The following CARS1 variants were observed in gnomAD, a reference collection of about 807,000 sequenced individuals.
The protein encoded by CARS1 is cysteine--tRNA ligase, cytoplasmic.
Under a neutral mutation model 106.2 loss-of-function variants are expected in CARS1, and 48 were observed. The ratio of observed to expected loss-of-function variants is 0.45; its 90% CI spans 0.36 to 0.57. The LOEUF (loss-of-function observed/expected upper bound fraction) is 0.57, where lower values mean the gene tolerates loss of function less well. Among genes scored for constraint, CARS1 ranks in the 20% least tolerant of loss-of-function variants. The pLI, the probability that CARS1 is intolerant of heterozygous loss-of-function variation, is 0.00. For missense variants in CARS1, 968 were observed against 1,057.2 expected (o/e 0.92, Z 1.17); for synonymous variants, 409 against 403.4 (o/e 1.01, Z -0.17).
intron 1 of CARS1, among the ~76,000 whole-genome samples, chr11:3,051,937 C>G (rs986523168): frequency 6.6e-6 from 1 of 152,210 alleles, no homozygotes; most frequent in Non-Finnish European, 1.5e-5. Context: ...AGCTGACAGT[C>G]ACGTGCCTCT....
intron 7 of CARS1, among the ~76,000 whole-genome samples, chr11:3,035,803 A>G (rs1338924982): frequency 1.3e-5 from 2 of 152,236 alleles, no homozygotes. Context: ...CATTTCTGAT[A>G]TGGCTACTAT....
chr11:3,002,063 G>C lies in CARS1; in HGVS notation c.2278-10C>G. ...TGGCCAGCTTTGCTGCCTAGAACAC[G>C]CAACACGGCACAGTCACTGCCCCCG... is the stretch of plus-strand genomic sequence containing the variant. On this transcript the variant is annotated splice_polypyrimidine_tract_variant and intron_variant, in intron 21 of 22. Transcript: ENST00000380525. The C allele has an allele frequency of 6.3e-7, 1 of 1,596,932 alleles. No homozygotes were observed. The highest frequency in any genetic ancestry group is 8.6e-7 in the Non-Finnish European group (1 of 1,164,708).
chr11:3,040,989 G>T lies in CARS1; in HGVS notation c.367-5C>A. 6.2e-7 allele frequency: 1 copy of T among 1,614,012 alleles called. No homozygotes were observed. The highest frequency in any genetic ancestry group is 8.5e-7 in the Non-Finnish European group (1 of 1,179,856). ...ATCTTGAGGTATGAACACTTCCTTTGTTAGGAATGAAGGAATGACGATCAC... is the reference window on the plus strand; with the variant it reads ...ATCTTGAGGTATGAACACTTCCTTTTTTAGGAATGAAGGAATGACGATCAC... On this transcript the variant is annotated splice_polypyrimidine_tract_variant and splice_region_variant and intron_variant, in intron 3 of 22. Coordinates refer to ENST00000380525, the MANE Select transcript of CARS1 (RefSeq NM_001014437.3). This position sits in a 1 kb window ranked among gnomAD's most constrained non-coding sequence, Gnocchi z 5.8.
At chr11:3,005,270 T>G in intron 20 of CARS1, 96 bp downstream of exon 20, 1 of 881,042 alleles carries the variant, frequency 1.1e-6, no homozygotes, top group East Asian at 2.6e-5. Flanking sequence ...AATAAAAGTG[T>G]AAACATCAAT....
chr11:3,026,971 G>A, intron 9 of CARS1, 174 bp from the exon 10 acceptor site: 1 of 691,062 alleles, frequency 1.4e-6, no homozygotes, highest in South Asian at 2.2e-5. Flanking sequence ...TGGGACACCA[G>A]GGCCCATCCC....
Position 3,040,295 on chromosome 11 carries a change from G to A in CARS1, c.456-364C>T, listed in dbSNP as rs1854276283. Among the ~76,000 whole-genome samples the A allele has an allele frequency of 6.6e-6, 1 of 152,216 alleles. No homozygotes were observed. The highest frequency in any genetic ancestry group is 2.1e-4 in the South Asian group (1 of 4,832). On this transcript the variant is annotated intron_variant, in intron 4 of 22. Transcript: ENST00000380525. This position sits in a 1 kb window ranked among gnomAD's most constrained non-coding sequence, Gnocchi z 5.8. Reference sequence around the variant, plus strand: ...TGGTCAACAGGAGGCTATTTTAGTGGTGAAGTTTTTGGGGAATCAAAAGTT... The same window carrying A: ...TGGTCAACAGGAGGCTATTTTAGTGATGAAGTTTTTGGGGAATCAAAAGTT...
At chr11:3,007,303 G>T (rs537728986) in intron 18 of CARS1, 7 of 368,376 alleles carry the variant, frequency 1.9e-5, no homozygotes, top group African/African-American at 1.2e-4. Flanking sequence ...GACAGCAGGG[G>T]TGGGAGGGTC....
At chr11:3,031,500 C>CA (rs2134205914) in intron 7 of CARS1, 1 of 152,344 alleles carries the variant, frequency 6.6e-6, no homozygotes, top group African/African-American at 2.4e-5. Flanking sequence ...TGCATAAATA[C>CA]AAAATGATAA....
In CARS1 at chr11:3,044,108, G is replaced by A. The variant is rs568175989; in HGVS notation, c.275-1852C>T. 1.3e-5 allele frequency among the ~76,000 whole-genome samples: 2 copies of A among 152,102 alleles called. No homozygotes were observed. The highest frequency in any genetic ancestry group is 3.9e-4 in the East Asian group (2 of 5,170). On this transcript the variant is annotated intron_variant, in intron 2 of 22. Coordinates refer to ENST00000380525, the MANE Select transcript of CARS1 (RefSeq NM_001014437.3). The surrounding 1 kb of genome is among the most constrained non-coding windows in gnomAD (Gnocchi z 4.4). The stretch of plus-strand genomic sequence containing the variant: ...TCCCATCACTCTCCTCCCTCACAAA[G>A]ACCCTGGAGCTCCTTCAATAGGACA...
Position 3,001,960 on chromosome 11 carries a change from A to C in CARS1, c.2361+10T>G. ...TTCTGAATAGAAGAGAAGGATGCTT[A>C]CATGCTTACATTTTCATCAAACTTG... On this transcript the variant is annotated intron_variant, in intron 22 of 22. Coordinates refer to ENST00000380525, the MANE Select transcript of CARS1 (RefSeq NM_001014437.3). 1 of 1,592,718 alleles carries C rather than the reference A, an allele frequency of 6.3e-7. No individual in the cohort carries two copies. The highest frequency in any genetic ancestry group is 8.6e-7 in the Non-Finnish European group (1 of 1,160,560).
At position 3,048,036 on chromosome 11, in the gene CARS1, C is replaced by T; in HGVS notation, c.26-35G>A. 6.2e-7 allele frequency: 1 copy of T among 1,600,664 alleles called. No homozygotes were observed. The highest frequency in any genetic ancestry group is 8.5e-7 in the Non-Finnish European group (1 of 1,170,794). On this transcript the variant is annotated intron_variant, in intron 1 of 22. Coordinates refer to ENST00000380525, the MANE Select transcript of CARS1 (RefSeq NM_001014437.3). The surrounding 1 kb of genome is among the most constrained non-coding windows in gnomAD (Gnocchi z 5.1). ...CAGAGGGCACATGGTGTCAGGCAGG[C>T]AGGCGGGCAGCCCAGAGGCCGCCAG...
chr11:3,018,366 G>A, intron 14 of CARS1, 42 bp downstream of exon 14: 4 of 1,356,738 alleles, frequency 2.9e-6, no homozygotes, highest in Non-Finnish European at 4.2e-6. Context: ...CTGTGCAGGG[G>A]AGGCTGCTCC....
chr11:3,038,006 C>A lies in CARS1; in HGVS notation c.801+44G>T. 1 of 1,589,114 alleles carries A rather than the reference C, an allele frequency of 6.3e-7. No homozygotes were observed. Among genetic ancestry groups the A allele is most frequent in the Non-Finnish European group, 8.6e-7 (1 of 1,162,114 alleles). On this transcript the variant is annotated intron_variant, in intron 7 of 22. Transcript: ENST00000380525. The surrounding 1 kb of genome is among the most constrained non-coding windows in gnomAD (Gnocchi z 4.0). The stretch of plus-strand genomic sequence containing the variant: ...ACAGATCAGTCTATGCACGGCCCGA[C>A]ATTTGACCCGAACGGGCTGTCTGGG...
At chr11:3,042,300 AG>A in intron 2 of CARS1, 44 bp from the exon 3 acceptor site, 1 of 1,453,860 alleles carries the variant, frequency 6.9e-7, no homozygotes, top group Non-Finnish European at 9.5e-7. Context: ...GGGCAGCACC[AG>A]GAAGTGCAAG....
At chr11:3,018,793 G>T in intron 12 of CARS1, 44 bp from the exon 13 acceptor site, 1 of 1,592,646 alleles carries the variant, frequency 6.3e-7, no homozygotes, top group South Asian at 1.1e-5. Context: ...ATGTGTTACT[G>T]GGGCCGCCTC....
Position 3,017,364 on chromosome 11 carries a change from C to G in CARS1, c.1728-69G>C. 7.0e-7 allele frequency: 1 copy of G among 1,419,336 alleles called. No homozygotes were observed. The highest frequency in any genetic ancestry group is 9.8e-7 in the Non-Finnish European group (1 of 1,017,490). 87.9% of individuals were successfully genotyped at this position (1,419,336 alleles called of 1,614,324 possible). A position where few individuals can be genotyped will look rare whatever the true frequency, so the allele number is the denominator to read the frequency against. ...ACACCATAGAAATTCCCCATGTGGC[C>G]AGGCGCAGTGGCTCACGCCTATAAT... On this transcript the variant is annotated intron_variant, in intron 15 of 22. Transcript: ENST00000380525. The surrounding 1 kb of genome is among the most constrained non-coding windows in gnomAD (Gnocchi z 4.9).
chr11:3,019,194 C>T lies in CARS1; in HGVS notation c.1340G>A (p.Gly447Glu). Residue 447 changes from glycine (G) to glutamate (E), a missense_variant, in exon 12 of 23, where the codon GGA becomes GAA. Gly to Glu is a moderately conservative substitution (Grantham distance 98). Coordinates refer to ENST00000380525, the MANE Select transcript of CARS1 (RefSeq NM_001014437.3). The surrounding 1 kb of genome is among the most constrained non-coding windows in gnomAD (Gnocchi z 6.2). The stretch of plus-strand genomic sequence containing the variant: ...GGGGAACCGGAGGTCGAACCCACCT[C>T]CGTGAATGTCCATCGAAGCCCCTAG... The part of the protein sequence containing the change: ...TLLGASMDIH[G>E]GGFDLRFPHH... 6.5e-7 allele frequency: 1 copy of T among 1,531,464 alleles called. No homozygotes were observed. Among genetic ancestry groups the T allele is most frequent in the Non-Finnish European group, 8.8e-7 (1 of 1,141,510 alleles). 94.9% of individuals were successfully genotyped at this position (1,531,464 alleles called of 1,614,324 possible).
rs1852383025 is a variant in CARS1, at chr11:3,028,768, C to G, written c.1031+228G>C. On this transcript the variant is annotated intron_variant, in intron 9 of 22. Transcript: ENST00000380525. This position sits in a 1 kb window ranked among gnomAD's most constrained non-coding sequence, Gnocchi z 4.4. Reference sequence around the variant, plus strand: ...TGGTCTTGGCTGCCGAGCTTCCCAGCAGATTCTGGGTTAGGTTCTCACCAT... The same window carrying G: ...TGGTCTTGGCTGCCGAGCTTCCCAGGAGATTCTGGGTTAGGTTCTCACCAT... 1 of 532,920 alleles carries G rather than the reference C, an allele frequency of 1.9e-6. No homozygotes were observed. The allele number at this position is 532,920 out of a possible 1,614,324, so 33.0% of individuals were successfully genotyped here. A position where few individuals can be genotyped will look rare whatever the true frequency, so the allele number is the denominator to read the frequency against.
chr11:3,010,689 C>T (rs1234778999), intron 18 of CARS1, among the ~76,000 whole-genome samples: 1 of 152,234 alleles, frequency 6.6e-6, no homozygotes, highest in African/African-American at 2.4e-5. Context: ...GCCTGTGGAG[C>T]CCCGAGCTCC....
Sources: gnomAD v4.1 joint callset for allele counts (sites outside exome capture counted in the v4.1 genomes callset) on GRCh38, gnomAD v4.1.1 for gene constraint, Gnocchi (gnomAD v3.1) non-coding constraint, MANE v1.5 for transcripts, NCBI Gene and HGNC (gene_info 2026-07-23, HGNC 2026-07-21) for gene names.